ZC3H7B: variants seen among roughly 807,000 people sequenced by gnomAD.
The protein encoded by ZC3H7B is zinc finger CCCH domain-containing protein 7B.
ZC3H7B carries 35 observed loss-of-function variants against 116.0 expected under a neutral mutation model. The observed-to-expected ratio is 0.30, with a 90% CI of 0.23 to 0.40. The LOEUF is 0.40. Ranked by LOEUF, ZC3H7B falls within the 10% of genes least tolerant of loss-of-function variation. The pLI is 1.00. For missense variants in ZC3H7B, 1,011 were observed against 1,321.5 expected (o/e 0.77, Z 3.64); for synonymous variants, 502 against 545.6 (o/e 0.92, Z 1.11).
chr22:41,358,018 AGTCCCAGCCC>A lies in ZC3H7B; in HGVS notation c.*590_*599del. The A allele has an allele frequency of 6.4e-6, 1 of 156,158 alleles. No individual in the cohort carries two copies. Among genetic ancestry groups the A allele is most frequent in the Non-Finnish European group, 1.4e-5 (1 of 70,284 alleles). The allele number at this position is 156,158 out of a possible 1,614,324, so 9.7% of individuals were successfully genotyped here. ...GCTAGATGATCTTTGGAGCTTAAGGAGTCCCAGCCCTTTCTCTGATGCCACCACCTGAACC... is the reference window on the plus strand; with the variant it reads ...GCTAGATGATCTTTGGAGCTTAAGGATTTCTCTGATGCCACCACCTGAACC... On this transcript the variant is annotated 3_prime_UTR_variant, in exon 23 of 23. Coordinates refer to ENST00000352645, the MANE Select transcript of ZC3H7B (RefSeq NM_017590.6).
chr22:41,320,131 G>A (rs2036236017), intron 1 of ZC3H7B, among the ~76,000 whole-genome samples: 1 of 151,718 alleles, frequency 6.6e-6, no homozygotes, highest in Non-Finnish European at 1.5e-5. Context: ...TCAGGTGTTC[G>A]AGACCAGCCT....
Position 41,355,847 on chromosome 22 carries a change from C to T in ZC3H7B, c.2259C>T (p.Phe753=), listed in dbSNP as rs2036706887. 6.2e-7 allele frequency: 1 copy of T among 1,613,680 alleles called. No individual in the cohort carries two copies. The highest frequency in any genetic ancestry group is 1.7e-5 in the Admixed American group (1 of 59,994). Residue 753 remains phenylalanine (F), a synonymous_variant, in exon 19 of 23, where the codon TTC becomes TTT. Coordinates refer to ENST00000352645, the MANE Select transcript of ZC3H7B (RefSeq NM_017590.6). The stretch of plus-strand genomic sequence containing the variant: ...GGCCACTGCCATCCATTCGTAACTT[C>T]CCACAGCAATACGATGTGAGCGCTG... ...SVRPLPSIRN[F]PQQYDLCIHA...
Position 41,349,406 on chromosome 22 carries a change from A to G in ZC3H7B, c.1948+105A>G. The G allele has an allele frequency of 2.7e-6, 4 of 1,466,848 alleles. No individual in the cohort carries two copies. The highest frequency in any genetic ancestry group is 1.3e-5 in the South Asian group (1 of 78,334). 90.9% of individuals were successfully genotyped at this position (1,466,848 alleles called of 1,614,324 possible). On this transcript the variant is annotated intron_variant, in intron 16 of 22. Transcript: ENST00000352645. The surrounding 1 kb of genome is among the most constrained non-coding windows in gnomAD (Gnocchi z 4.9). The stretch of plus-strand genomic sequence containing the variant: ...GACTGGGGTGACAGGCCAGGGCCCC[A>G]TGGTCGCTGGAGGGGGCTTCGGGAG...
At chr22:41,356,942 G>A (rs891375991) in intron 22 of ZC3H7B, 134 bp downstream of exon 22, 2 of 1,390,964 alleles carry the variant, frequency 1.4e-6, no homozygotes, top group African/African-American at 1.4e-5. Flanking sequence ...CTGCAGCCAT[G>A]GGGGTGGTGG....
chr22:41,355,531 G>A lies in ZC3H7B; in HGVS notation c.2097G>A (p.Gln699=), dbSNP rs1601798552. Residue 699 remains glutamine (Q), a synonymous_variant, in exon 18 of 23, where the codon CAG becomes CAA. Coordinates refer to ENST00000352645, the MANE Select transcript of ZC3H7B (RefSeq NM_017590.6). The stretch of plus-strand genomic sequence containing the variant: ...TGCAGATGAAGTTTGTATGTGGCCA[G>A]TGCTGGAGAAACGGGCAGGTGGTGG... The part of the protein sequence containing the change: ...FDLQMKFVCG[Q]CWRNGQVVEP... 1 of 1,614,198 alleles carries A rather than the reference G, an allele frequency of 6.2e-7. No individual in the cohort carries two copies.
chr22:41,316,003 T>TC (rs1191386945), intron 1 of ZC3H7B, among the ~76,000 whole-genome samples: 2 of 151,966 alleles, frequency 1.3e-5, no homozygotes, highest in Non-Finnish European at 2.9e-5. Context: ...TTTTTTTTTT[T>TC]GAGACGGAGT....
At chr22:41,337,362 T>A (rs994723443) in intron 7 of ZC3H7B, among the ~76,000 whole-genome samples, 2 of 151,690 alleles carry the variant, frequency 1.3e-5, no homozygotes, top group Non-Finnish European at 2.9e-5. Flanking sequence ...ACAAAGCACT[T>A]CCTGTGTGCC....
At chr22:41,320,940 G>T (rs889541716) in intron 2 of ZC3H7B, among the ~76,000 whole-genome samples, 10 of 152,252 alleles carry the variant, frequency 6.6e-5, no homozygotes, top group Middle Eastern at 6.8e-3. Flanking sequence ...CTTCAATCTT[G>T]TCCAGTAGGT....
chr22:41,318,386 G>A (rs568438035), intron 1 of ZC3H7B, among the ~76,000 whole-genome samples: 1 of 152,112 alleles, frequency 6.6e-6, no homozygotes, highest in South Asian at 2.1e-4. Flanking sequence ...AAAATTAGCC[G>A]GGTGTGGTGG....
At chr22:41,331,575 AGAG>A (rs1326378331) in intron 6 of ZC3H7B, among the ~76,000 whole-genome samples, 9 of 147,494 alleles carry the variant, frequency 6.1e-5, no homozygotes, top group African/African-American at 2.3e-4. Flanking sequence ...AAAAAAAAAA[AGAG>A]AGAGCAAATG....
Position 41,342,576 on chromosome 22 carries a change from G to A in ZC3H7B, c.1245G>A (p.Leu415=). The A allele has an allele frequency of 6.2e-7, 1 of 1,613,412 alleles. No individual in the cohort carries two copies. Among genetic ancestry groups the A allele is most frequent in the Non-Finnish European group, 8.5e-7 (1 of 1,179,918 alleles). Residue 415 remains leucine (L), a synonymous_variant, in exon 12 of 23, where the codon TTG becomes TTA. Transcript: ENST00000352645. Reference sequence around the variant, plus strand: ...CTGCCTTGCTCATCAAGAACCCCTTGGCTGCCACCCACGAGTTCAAGCAGG... The same window carrying A: ...CTGCCTTGCTCATCAAGAACCCCTTAGCTGCCACCCACGAGTTCAAGCAGG... ...PNTALLIKNP[L]AATHEFKQAC... is the part of the protein sequence containing the mutation.
In ZC3H7B at chr22:41,346,677, G is replaced by A. The variant is rs1459880134; in HGVS notation, c.1665+469G>A. On this transcript the variant is annotated intron_variant, in intron 14 of 22. Coordinates refer to ENST00000352645, the MANE Select transcript of ZC3H7B (RefSeq NM_017590.6). The surrounding 1 kb of genome is among the most constrained non-coding windows in gnomAD (Gnocchi z 5.3). Reference sequence around the variant, plus strand: ...CTAAAAATACAAAAATTAGCTGGGCGTTGTGGTGCACGCCTGTAGTCCCAG... The same window carrying A: ...CTAAAAATACAAAAATTAGCTGGGCATTGTGGTGCACGCCTGTAGTCCCAG... Among the ~76,000 whole-genome samples, 9 of 152,062 alleles carry A rather than the reference G, an allele frequency of 5.9e-5. No individual in the cohort carries two copies. Among genetic ancestry groups the A allele is most frequent in the African/African-American group, 9.7e-5 (4 of 41,406 alleles).
At chr22:41,347,074 C>A (rs2036595629) in intron 14 of ZC3H7B, among the ~76,000 whole-genome samples, 1 of 152,154 alleles carries the variant, frequency 6.6e-6, no homozygotes, top group African/African-American at 2.4e-5. Context: ...CGAGGAACTG[C>A]CCTCAGCCAC....
chr22:41,331,574 AAGAG>A lies in ZC3H7B; in HGVS notation c.526-592_526-589del, dbSNP rs1441233445. ...TGCCTCAAAAAAAAAAAAAAAAAAAAAGAGAGAGCAAATGGGCCGGGTGCAGTGG... is the reference window on the plus strand; with the variant it reads ...TGCCTCAAAAAAAAAAAAAAAAAAAAAGAGCAAATGGGCCGGGTGCAGTGG... On this transcript the variant is annotated intron_variant, in intron 6 of 22. Coordinates refer to ENST00000352645, the MANE Select transcript of ZC3H7B (RefSeq NM_017590.6). Among the ~76,000 whole-genome samples the A allele has an allele frequency of 3.9e-3, 588 of 150,720 alleles. 6 individuals are homozygous for A. Among genetic ancestry groups the A allele is most frequent in the African/African-American group, 0.012 (511 of 40,982 alleles).
chr22:41,341,270 G>A (rs1374600382), intron 11 of ZC3H7B, 124 bp downstream of exon 11: 8 of 1,154,988 alleles, frequency 6.9e-6, no homozygotes, highest in Non-Finnish European at 8.7e-6. Context: ...GGCACTCCCA[G>A]AGTGGATGGA....
At chr22:41,331,146 C>T (rs1338882833) in intron 6 of ZC3H7B, among the ~76,000 whole-genome samples, 2 of 146,958 alleles carry the variant, frequency 1.4e-5, no homozygotes, top group South Asian at 2.3e-4. Flanking sequence ...CGTGAGCCAC[C>T]GCGCCCAGCT....
chr22:41,339,062 G>A lies in ZC3H7B; in HGVS notation c.687G>A (p.Leu229=). ...ALLPSTPTMP[L]FPHVLDLLAP... ...TCCCCTCCACGCCCACGATGCCCCT[G>A]TTCCCTCACGTTCTGGACCTGCTGG... Residue 229 remains leucine, a synonymous_variant, in exon 9 of 23, where the codon CTG becomes CTA. Transcript: ENST00000352645. 1 of 1,612,168 alleles carries A rather than the reference G, an allele frequency of 6.2e-7. No homozygotes were observed. Among genetic ancestry groups the A allele is most frequent in the Non-Finnish European group, 8.5e-7 (1 of 1,179,158 alleles).
In ZC3H7B at chr22:41,324,746, T is replaced by A. The variant is rs182089234; in HGVS notation, c.54-818T>A. Among the ~76,000 whole-genome samples, 6 of 152,218 alleles carry A rather than the reference T, an allele frequency of 3.9e-5. No homozygotes were observed. In the East Asian group the frequency reaches 1.2e-3, roughly 29 times the overall value. The stretch of plus-strand genomic sequence containing the variant: ...TGGGTGGGGCGTGTGTTATGTGGGA[T>A]TGGGCAGGGGAGGGGCCTGAGGTGG... On this transcript the variant is annotated intron_variant, in intron 2 of 22. Coordinates refer to ENST00000352645, the MANE Select transcript of ZC3H7B (RefSeq NM_017590.6).
rs774972968 is a variant in ZC3H7B, at chr22:41,357,327, C to A, written c.2832C>A (p.Asp944Glu). The change falls in exon 23 of 23, where the codon GAC becomes GAA. Residue 944 changes from aspartate to glutamate, a missense_variant. Asp to Glu is a conservative substitution (Grantham distance 45). Transcript: ENST00000352645. This position sits in a 1 kb window ranked among gnomAD's most constrained non-coding sequence, Gnocchi z 5.4. ...RKDMLLCPRD[D>E]DFGKYNFLLQ... is the part of the protein sequence containing the mutation. ...ACATGCTGCTGTGCCCACGGGACGA[C>A]GACTTTGGCAAATACAACTTCCTGC... 2.2e-5 allele frequency: 36 copies of A among 1,613,616 alleles called. No homozygotes were observed. The highest frequency in any genetic ancestry group is 5.9e-6 in the Non-Finnish European group (7 of 1,179,996).
Sources: allele counts gnomAD v4.1 joint callset (sites outside exome capture counted in the v4.1 genomes callset), GRCh38; gene constraint gnomAD v4.1.1; non-coding constraint Gnocchi (gnomAD v3.1); transcripts MANE v1.5; gene names NCBI Gene and HGNC (gene_info 2026-07-23, HGNC 2026-07-21).